The following NOTCH1 variants were observed in gnomAD, a reference collection of about 807,000 sequenced individuals.
NOTCH1 encodes the protein neurogenic locus notch homolog protein 1.
NOTCH1 carries 37 observed loss-of-function variants against 254.8 expected under a neutral mutation model. The ratio of observed to expected loss-of-function variants is 0.15; its 90% CI spans 0.11 to 0.19. NOTCH1 has a LOEUF of 0.19. Ranked by LOEUF, NOTCH1 falls within the 10% of genes least tolerant of loss-of-function variation. NOTCH1 has a pLI of 1.00. For synonymous variants in NOTCH1, 1,731 were observed against 1,618.1 expected (o/e 1.07, Z -1.68); for missense variants, 2,972 against 3,708.6 (o/e 0.80, Z 5.16).
chr9:136,533,983 G>T (rs561353749), intron 2 of NOTCH1, among the ~76,000 whole-genome samples: 11 of 152,328 alleles, frequency 7.2e-5, no homozygotes, highest in African/African-American at 2.4e-4. Flanking sequence ...AGTCACGCTG[G>T]GTAACCCCAC....
intron 30 of NOTCH1, 98 bp downstream of exon 30, chr9:136,501,648 TAA>T (rs1842996671): frequency 1.4e-6 from 2 of 1,441,012 alleles, no homozygotes; most frequent in Non-Finnish European, 1.9e-6. Flanking sequence ...CCCCCAATTC[TAA>T]GTTTCCAGAG....
At chr9:136,542,694 A>G (rs1843749481) in intron 2 of NOTCH1, among the ~76,000 whole-genome samples, 1 of 151,244 alleles carries the variant, frequency 6.6e-6, no homozygotes. Flanking sequence ...CCTGCTGCCC[A>G]CAGGCTGGGC....
At position 136,519,570 on chromosome 9, in the gene NOTCH1, C is replaced by G; in HGVS notation, c.743-5G>C. On this transcript the variant is annotated splice_polypyrimidine_tract_variant and splice_region_variant and intron_variant, in intron 4 of 33. Coordinates refer to ENST00000651671, the MANE Select transcript of NOTCH1 (RefSeq NM_017617.5). Reference sequence around the variant, plus strand: ...CACAGTTCTGGCCGGTGAAGCCTGCCGCAAGAGGGGCCGGGTCAGCCTCTT... The same window carrying G: ...CACAGTTCTGGCCGGTGAAGCCTGCGGCAAGAGGGGCCGGGTCAGCCTCTT... 1 of 1,612,720 alleles carries G rather than the reference C, an allele frequency of 6.2e-7. No homozygotes were observed. Among genetic ancestry groups the G allele is most frequent in the Non-Finnish European group, 8.5e-7 (1 of 1,179,888 alleles).
At chr9:136,529,291 G>A (rs534051609) in intron 2 of NOTCH1, among the ~76,000 whole-genome samples, 7 of 152,350 alleles carry the variant, frequency 4.6e-5, no homozygotes, top group African/African-American at 1.4e-4. Flanking sequence ...TGCTTCCCAA[G>A]GCAGGCTTCC....
rs555033643 is a variant in NOTCH1, at chr9:136,502,204, C to T, written c.5384+68G>A. On this transcript the variant is annotated intron_variant, in intron 28 of 33. Coordinates refer to ENST00000651671, the MANE Select transcript of NOTCH1 (RefSeq NM_017617.5). The stretch of plus-strand genomic sequence containing the variant: ...CCCTGGGTCGGGAGGGGCAGACTCC[C>T]GGTGAGGATGCTCGGCCAGGTCCCA... 372 of 1,580,190 alleles carry T rather than the reference C, an allele frequency of 2.4e-4. 3 individuals carry two copies. In the South Asian group the frequency reaches 3.7e-3, roughly 16 times the overall value.
rs773987257 is a variant in NOTCH1 at position 136,499,194 on chromosome 9, G to A, written c.6000C>T (p.Ile2000=). The A allele has an allele frequency of 1.2e-6, 2 of 1,613,406 alleles. No individual in the cohort carries two copies. Among genetic ancestry groups the A allele is most frequent in the African/African-American group, 1.3e-5 (1 of 75,070 alleles). The change falls in exon 32 of 34, where the codon ATC becomes ATT. Residue 2000 remains isoleucine (I), a synonymous_variant. Coordinates refer to ENST00000651671, the MANE Select transcript of NOTCH1 (RefSeq NM_017617.5). ...CCTCCACGGCCAGGCGGGCAGCCAG[G>A]ATCAGTGGCGTCGTGCCATCATGCA... is the stretch of plus-strand genomic sequence containing the variant. ...ARMHDGTTPL[I]LAARLAVEGM... is the part of the protein sequence containing the mutation.
chr9:136,503,226 G>A lies in NOTCH1; in HGVS notation c.5123C>T (p.Ser1708Leu), dbSNP rs778830490. The A allele has an allele frequency of 1.9e-6, 3 of 1,612,702 alleles. No homozygotes were observed. The highest frequency in any genetic ancestry group is 2.2e-5 in the East Asian group (1 of 44,890). Reference sequence around the variant, plus strand: ...GTAGGGGATGTTGAGGCTGCCCAGCGAGGCGAGCGCTCCCAGGAATGCGGC... The same window carrying A: ...GTAGGGGATGTTGAGGCTGCCCAGCAAGGCGAGCGCTCCCAGGAATGCGGC... ...DVAAFLGALA[S>L]LGSLNIPYKI... The change falls in exon 27 of 34, where the codon TCG (serine) becomes TTG (leucine). Residue 1708 changes from serine to leucine, a missense_variant. Around this residue, in one of 8 missense-constraint regions of NOTCH1, gnomAD observed 421 missense variants for 604.4 expected, o/e 0.70. Transcript: ENST00000651671.
At position 136,511,286 on chromosome 9, in the gene NOTCH1, C is replaced by G. The variant is rs1843178099; in HGVS notation, c.2468-15G>C. The G allele has an allele frequency of 6.2e-7, 1 of 1,605,930 alleles. No individual in the cohort carries two copies. The highest frequency in any genetic ancestry group is 2.2e-5 in the East Asian group (1 of 44,700). ...ACACGTGGCACCTGCGGGAAGGAGA[C>G]ACACGTGACCCCGGGAGCCTCACCC... is the stretch of plus-strand genomic sequence containing the variant. On this transcript the variant is annotated splice_polypyrimidine_tract_variant and intron_variant, in intron 15 of 33. Transcript: ENST00000651671.
At chr9:136,535,372 C>A (rs750251141) in intron 2 of NOTCH1, among the ~76,000 whole-genome samples, 2 of 152,128 alleles carry the variant, frequency 1.3e-5, no homozygotes, top group Non-Finnish European at 2.9e-5. Flanking sequence ...CAGGACGCCC[C>A]CAGCCCTGGG....
chr9:136,499,968 T>C (rs1225157492), intron 31 of NOTCH1, among the ~76,000 whole-genome samples: 1 of 152,204 alleles, frequency 6.6e-6, no homozygotes, highest in Non-Finnish European at 1.5e-5. Flanking sequence ...GCTGTGCCCA[T>C]CTGAACCTGC....
intron 4 of NOTCH1, 95 bp downstream of exon 4, chr9:136,522,755 C>G: frequency 1.6e-6 from 2 of 1,242,434 alleles, no homozygotes; most frequent in Non-Finnish European, 2.2e-6. Context: ...CATGGGCCCT[C>G]CCAGGGCTGC....
At position 136,502,505 on chromosome 9, in the gene NOTCH1, CAGGGG is replaced by C; in HGVS notation, c.5168-22_5168-18del. 1 of 1,494,256 alleles carries C rather than the reference CAGGGG, an allele frequency of 6.7e-7. No individual in the cohort carries two copies. The highest frequency in any genetic ancestry group is 1.3e-5 in the South Asian group (1 of 79,056). 92.6% of individuals were successfully genotyped at this position (1,494,256 alleles called of 1,614,324 possible). A position where few individuals can be genotyped will look rare whatever the true frequency, so the allele number is the denominator to read the frequency against. On this transcript the variant is annotated intron_variant, in intron 27 of 33. Coordinates refer to ENST00000651671, the MANE Select transcript of NOTCH1 (RefSeq NM_017617.5). ...CGGTCTCACCTGCGGGCACGGGGGC[CAGGGG>C]CAGGTGCCCGGACATCAGGCAGCGG... is the stretch of plus-strand genomic sequence containing the variant.
chr9:136,509,609 T>G (rs928708016), intron 18 of NOTCH1, 124 bp downstream of exon 18: 1 of 820,936 alleles, frequency 1.2e-6, no homozygotes, highest in African/African-American at 1.7e-5. Context: ...CTGGACTCAA[T>G]GCAGCCAGCG....
At chr9:136,508,598 C>T (rs749363660) in intron 19 of NOTCH1, among the ~76,000 whole-genome samples, 6 of 152,222 alleles carry the variant, frequency 3.9e-5, no homozygotes, top group Non-Finnish European at 8.8e-5. Flanking sequence ...AGACCACCCT[C>T]GGCCTTTGCT....
rs756659419 is a variant in NOTCH1, at chr9:136,497,273, T to C, written c.6466A>G (p.Lys2156Glu). 1 of 1,610,560 alleles carries C rather than the reference T, an allele frequency of 6.2e-7. No homozygotes were observed. ...TTGCTGCTGGGCTTGCGGACCTTCT[T>C]GCCCTGCACGCCGGGCTTGAGGCTG... ...LGSLKPGVQGKKVRKPSSKGL... is the reference protein window; with the variant it reads ...LGSLKPGVQGEKVRKPSSKGL... The change falls in exon 34 of 34, where the codon AAG (lysine) becomes GAG (glutamate). Residue 2156 changes from lysine to glutamate, a missense_variant. Lys to Glu is a moderately conservative substitution (Grantham distance 56). This residue lies in a region of NOTCH1 where 529 missense variants were observed against 529.2 expected (regional missense o/e 1.00). Transcript: ENST00000651671.
At chr9:136,520,553 G>A (rs959296920) in intron 4 of NOTCH1, among the ~76,000 whole-genome samples, 12 of 152,072 alleles carry the variant, frequency 7.9e-5, no homozygotes, top group Admixed American at 5.9e-4. Context: ...GGACAACATG[G>A]CGAAACCCCG....
In NOTCH1 at chr9:136,507,229, C is replaced by T. The variant is rs753843716; in HGVS notation, c.3643+76G>A. Reference sequence around the variant, plus strand: ...TGGCTGGTTCCTGGATGCCTCTGGCCGGTCCCGGGGTGCCTGCCCTGCCCC... The same window carrying T: ...TGGCTGGTTCCTGGATGCCTCTGGCTGGTCCCGGGGTGCCTGCCCTGCCCC... On this transcript the variant is annotated intron_variant, in intron 22 of 33. Coordinates refer to ENST00000651671, the MANE Select transcript of NOTCH1 (RefSeq NM_017617.5). 141 of 1,606,640 alleles carry T rather than the reference C, an allele frequency of 8.8e-5. 1 individual carries two copies. Among genetic ancestry groups the T allele is most frequent in the African/African-American group, 6.0e-4 (45 of 74,940 alleles).
intron 10 of NOTCH1, 23 bp downstream of exon 10, chr9:136,515,958 C>T (rs199534910): frequency 7.6e-6 from 12 of 1,583,806 alleles, no homozygotes; most frequent in African/African-American, 4.0e-5. Context: ...AGTCCCTCCC[C>T]GCTGGTGGGC....
chr9:136,515,207 A>G, intron 12 of NOTCH1, 83 bp downstream of exon 12: 1 of 1,337,252 alleles, frequency 7.5e-7, no homozygotes. Flanking sequence ...CCCTCACCCA[A>G]CCCCTCAGCA....
Sources: gnomAD v4.1 joint callset for allele counts (sites outside exome capture counted in the v4.1 genomes callset) on GRCh38, gnomAD v4.1.1 for gene constraint, gnomAD v4.1.1 regional missense constraint, MANE v1.5 for transcripts, NCBI Gene and HGNC (gene_info 2026-07-23, HGNC 2026-07-21) for gene names.